The following RBFOX3 variants were observed in gnomAD, a reference collection of about 807,000 sequenced individuals.
The protein encoded by RBFOX3 is RNA binding fox-1 homolog 3, also known as RNA binding protein fox-1 homolog 3.
Under a neutral mutation model 48.7 loss-of-function variants are expected in RBFOX3, and 17 were observed. That is an observed-to-expected ratio of 0.35 (90% confidence interval 0.24 to 0.52). The LOEUF is 0.52. Among genes scored for constraint, RBFOX3 ranks in the 20% least tolerant of loss-of-function variants. RBFOX3 has a pLI of 0.94. For missense variants in RBFOX3, 382 were observed against 497.5 expected, an observed-to-expected ratio of 0.77 and a Z score of 2.21; for synonymous variants, 212 against 209.5, an observed-to-expected ratio of 1.01 and a Z score of -0.10.
intron 4 of RBFOX3, among the ~76,000 whole-genome samples, chr17:79,209,821 G>A (rs1298221845): frequency 6.6e-6 from 1 of 151,880 alleles, no homozygotes; most frequent in Admixed American, 6.6e-5. Context: ...GTGAAACCCC[G>A]TCTCTACTAA....
chr17:79,190,505 T>C (rs2054302970), intron 4 of RBFOX3, among the ~76,000 whole-genome samples: 1 of 151,014 alleles, frequency 6.6e-6, no homozygotes, highest in African/African-American at 2.4e-5. Context: ...GGAAGTGGCA[T>C]CACGTCGCCC....
chr17:79,190,151 C>T (rs1172266271), intron 4 of RBFOX3, among the ~76,000 whole-genome samples: 2 of 152,232 alleles, frequency 1.3e-5, no homozygotes, highest in Non-Finnish European at 2.9e-5. Flanking sequence ...GTGGCTCACG[C>T]CTGTAATCCC....
intron 1 of RBFOX3, among the ~76,000 whole-genome samples, chr17:79,513,290 G>C (rs1223330155): frequency 1.3e-5 from 2 of 151,828 alleles, no homozygotes; most frequent in Non-Finnish European, 2.9e-5. Context: ...TGTCACCATT[G>C]GGCACGGTCC....
At chr17:79,142,669 G>C (rs2042141192) in intron 4 of RBFOX3, among the ~76,000 whole-genome samples, 1 of 152,280 alleles carries the variant, frequency 6.6e-6, no homozygotes, top group Non-Finnish European at 1.5e-5. Context: ...GGCCAGCTGG[G>C]GGGTGCCGGG....
At chr17:79,622,364 G>A in the RBFOX3 span, among the ~76,000 whole-genome samples, 14 of 152,220 alleles carry the variant, frequency 9.2e-5, no homozygotes, top group East Asian at 3.9e-4. Context: ...CACCCTCCCC[G>A]GGCTCTCCCT....
chr17:79,276,157 G>A (rs922785908), intron 3 of RBFOX3, among the ~76,000 whole-genome samples: 3 of 152,188 alleles, frequency 2.0e-5, no homozygotes, highest in East Asian at 1.9e-4. Flanking sequence ...CACGTGACAC[G>A]TCTGGAGCAG....
At chr17:79,232,862 A>G (rs112822527) in intron 4 of RBFOX3, among the ~76,000 whole-genome samples, 53 of 152,326 alleles carry the variant, frequency 3.5e-4, no homozygotes, top group African/African-American at 1.3e-3. Flanking sequence ...AAGACTGACA[A>G]CACCAAGGGT....
chr17:79,161,559 C>T (rs897297611), intron 4 of RBFOX3, among the ~76,000 whole-genome samples: 26 of 152,158 alleles, frequency 1.7e-4, no homozygotes, highest in Non-Finnish European at 7.3e-5. Context: ...GGTTGAAGTG[C>T]CCTTGCTCTT....
At chr17:79,452,236 C>T (rs890900651) in intron 2 of RBFOX3, among the ~76,000 whole-genome samples, 13 of 152,098 alleles carry the variant, frequency 8.5e-5, no homozygotes, top group African/African-American at 3.1e-4. Flanking sequence ...TAGCTGGGAA[C>T]TGAACTTTTT....
chr17:79,539,457 T>C (rs1555789594), intron 1 of RBFOX3, among the ~76,000 whole-genome samples: 1 of 152,164 alleles, frequency 6.6e-6, no homozygotes, highest in African/African-American at 2.4e-5. Flanking sequence ...GTAACCCAGG[T>C]GTAGTTTTAA....
chr17:79,270,556 G>A (rs2067481248), intron 3 of RBFOX3, among the ~76,000 whole-genome samples: 1 of 152,170 alleles, frequency 6.6e-6, no homozygotes, highest in South Asian at 2.1e-4. Context: ...TTGCCACTGG[G>A]CAGGAACAAG....
intron 1 of RBFOX3, among the ~76,000 whole-genome samples, chr17:79,539,866 A>G (rs1235578886): frequency 6.6e-6 from 1 of 152,208 alleles, no homozygotes; most frequent in Non-Finnish European, 1.5e-5. Flanking sequence ...TTAACTTTGA[A>G]TCTCAGATGA....
the RBFOX3 span, among the ~76,000 whole-genome samples, chr17:79,652,599 G>GAGGAAAGGAA: frequency 0.14 from 730 of 5,088 alleles, 156 homozygotes; most frequent in African/African-American, 0.28. Context: ...GAGGAGAGGA[G>GAGGAAAGGAA]AGGAAAGGAA....
chr17:79,239,956 T>C (rs1243024563), intron 3 of RBFOX3, among the ~76,000 whole-genome samples: 1 of 152,220 alleles, frequency 6.6e-6, no homozygotes, highest in Non-Finnish European at 1.5e-5. Context: ...TCTCATGTTC[T>C]CCCTTTCTGT....
At chr17:79,509,668 G>A (rs1010500226) in intron 1 of RBFOX3, among the ~76,000 whole-genome samples, 84 of 151,128 alleles carry the variant, frequency 5.6e-4, no homozygotes, top group Non-Finnish European at 1.1e-3. Flanking sequence ...TCAGGGACCC[G>A]TCCCTTCCTT....
chr17:79,177,349 C>T (rs16972081), intron 4 of RBFOX3, among the ~76,000 whole-genome samples: 4,102 of 152,326 alleles, frequency 0.027, 167 homozygotes, highest in East Asian at 0.13. Flanking sequence ...GGACGGCAGC[C>T]GTTTGTGCTT....
intron 4 of RBFOX3, among the ~76,000 whole-genome samples, chr17:79,139,786 G>C (rs750879067): frequency 1.6e-4 from 25 of 152,240 alleles, no homozygotes; most frequent in Non-Finnish European, 2.8e-4. Context: ...GCTGTGCCCA[G>C]GGCAGGATGA....
intron 2 of RBFOX3, among the ~76,000 whole-genome samples, chr17:79,334,878 C>A (rs1387889532): frequency 6.6e-6 from 1 of 152,248 alleles, no homozygotes; most frequent in Non-Finnish European, 1.5e-5. Context: ...CACCCCCCAA[C>A]CAGCCCAGCC....
At chr17:79,182,594 A>T (rs1480463997) in intron 4 of RBFOX3, among the ~76,000 whole-genome samples, 1 of 138,268 alleles carries the variant, frequency 7.2e-6, no homozygotes, top group Non-Finnish European at 1.6e-5. Flanking sequence ...GCACCTCCCC[A>T]CGGGGCATCC....
Sources: allele counts gnomAD v4.1 joint callset (sites outside exome capture counted in the v4.1 genomes callset), GRCh38; gene constraint gnomAD v4.1.1; transcripts MANE v1.5; gene names NCBI Gene and HGNC (gene_info 2026-07-23, HGNC 2026-07-21).